The following SGCD variants were observed in gnomAD, a reference collection of about 807,000 sequenced individuals.
SGCD encodes delta-sarcoglycan.
SGCD carries 18 observed loss-of-function variants against 36.6 expected under a neutral mutation model. That is an observed-to-expected ratio of 0.49 (90% confidence interval 0.34 to 0.73). The LOEUF (loss-of-function observed/expected upper bound fraction) is 0.73, where lower values mean the gene tolerates loss of function less well. Among genes scored for constraint, SGCD ranks in the 30% least tolerant of loss-of-function variants. The pLI is 0.01. For missense variants in SGCD, 387 were observed against 346.7 expected (o/e 1.12, Z -0.92); for synonymous variants, 133 against 130.6 (o/e 1.02, Z -0.12).
At chr5:155,874,593 T>C (rs891633915) in intron 1 of SGCD, among the ~76,000 whole-genome samples, 47 of 151,988 alleles carry the variant, frequency 3.1e-4, no homozygotes, top group African/African-American at 1.0e-3. Flanking sequence ...CCAATGAAAA[T>C]GGGGCAAAGA....
chr5:156,149,164 C>T (rs868208954), intron 3 of SGCD, among the ~76,000 whole-genome samples: 1 of 152,114 alleles, frequency 6.6e-6, no homozygotes, highest in Non-Finnish European at 1.5e-5. Flanking sequence ...CTGTGGAGTA[C>T]ATGAGATGTT....
chr5:156,069,445 G>A lies in SGCD; in HGVS notation c.-281-48433G>A, dbSNP rs180817090. On this transcript the variant is annotated intron_variant, in intron 1 of 9. Transcript: ENST00000517913. Reference sequence around the variant, plus strand: ...GATCAGATAGTTGTAGATATGTGGCGTTATTTCTAAGGGGTCTCTTCCATT... The same window carrying A: ...GATCAGATAGTTGTAGATATGTGGCATTATTTCTAAGGGGTCTCTTCCATT... Among the ~76,000 whole-genome samples the A allele has an allele frequency of 2.5e-3, 376 of 152,084 alleles. 1 individual carries two copies. Among genetic ancestry groups the A allele is most frequent in the Non-Finnish European group, 4.3e-3 (292 of 68,010 alleles).
intron 3 of SGCD, among the ~76,000 whole-genome samples, chr5:156,195,056 T>G (rs1038039046): frequency 1.3e-5 from 2 of 152,160 alleles, no homozygotes; most frequent in Admixed American, 1.3e-4. Flanking sequence ...TATCCATTAT[T>G]GTCAAATCTT....
intron 7 of SGCD, among the ~76,000 whole-genome samples, chr5:156,648,257 A>C (rs1317783591): frequency 1.3e-5 from 1 of 79,050 alleles, no homozygotes; most frequent in Non-Finnish European, 2.2e-5. Context: ...AATTCAGTGA[A>C]TACTGGCTTT....
the SGCD span, among the ~76,000 whole-genome samples, chr5:155,823,113 T>TCTATCTATCTATCTATCTAC: frequency 6.8e-6 from 1 of 147,200 alleles, no homozygotes; most frequent in East Asian, 2.0e-4. Flanking sequence ...TATCTATCTA[T>TCTATCTATCTATCTATCTAC]CTGGCTAGCT....
At chr5:156,667,492 A>G (rs1753101736) in intron 7 of SGCD, among the ~76,000 whole-genome samples, 1 of 152,180 alleles carries the variant, frequency 6.6e-6, no homozygotes, top group Non-Finnish European at 1.5e-5. Context: ...CATTTATAGG[A>G]TTAATAATTA....
chr5:155,867,192 A>T (rs1311948099), upstream of SGCD, among the ~76,000 whole-genome samples: 1 of 152,220 alleles, frequency 6.6e-6, no homozygotes, highest in Non-Finnish European at 1.5e-5. Flanking sequence ...TAGTGAATGC[A>T]TCACCAAAGT....
chr5:156,568,339 C>G (rs1759580586), intron 4 of SGCD, among the ~76,000 whole-genome samples: 1 of 152,190 alleles, frequency 6.6e-6, no homozygotes, highest in Non-Finnish European at 1.5e-5. Flanking sequence ...CAATATCGTG[C>G]CACTGCACTC....
chr5:156,010,590 A>G (rs539300782), intron 1 of SGCD, among the ~76,000 whole-genome samples: 1 of 152,354 alleles, frequency 6.6e-6, no homozygotes, highest in South Asian at 2.1e-4. Flanking sequence ...ATCTGTAATA[A>G]CAACAGCTTC....
chr5:156,073,854 G>A (rs1442944986), intron 1 of SGCD, among the ~76,000 whole-genome samples: 1 of 152,208 alleles, frequency 6.6e-6, no homozygotes, highest in Non-Finnish European at 1.5e-5. Context: ...TCAGTTGAAA[G>A]AGTTGCTCAA....
At chr5:156,129,692 C>T (rs1762264244) in intron 3 of SGCD, among the ~76,000 whole-genome samples, 2 of 152,154 alleles carry the variant, frequency 1.3e-5, no homozygotes, top group African/African-American at 2.4e-5. Context: ...TCTTTGTGTT[C>T]ATGAGTTCTC....
At chr5:156,048,154 A>C (rs146733769) in intron 1 of SGCD, among the ~76,000 whole-genome samples, 1,619 of 152,272 alleles carry the variant, frequency 0.011, 9 homozygotes, top group Non-Finnish European at 0.017. Flanking sequence ...ACATGAACTC[A>C]TCATTTTTTA....
intron 3 of SGCD, among the ~76,000 whole-genome samples, chr5:156,175,427 T>C (rs1165990870): frequency 6.6e-6 from 1 of 152,122 alleles, no homozygotes; most frequent in African/African-American, 2.4e-5. Flanking sequence ...AAAATATTCG[T>C]GTACCTTAAC....
intron 1 of SGCD, among the ~76,000 whole-genome samples, chr5:155,900,284 T>C (rs1756358958): frequency 6.6e-6 from 1 of 152,174 alleles, no homozygotes; most frequent in South Asian, 2.1e-4. Flanking sequence ...ACATCCCCCT[T>C]TTATGTCAAT....
At chr5:155,891,170 T>G (rs769753290) in intron 1 of SGCD, among the ~76,000 whole-genome samples, 1 of 152,190 alleles carries the variant, frequency 6.6e-6, no homozygotes, top group Non-Finnish European at 1.5e-5. Context: ...CTGGAGGAAC[T>G]TCATGTACAG....
chr5:156,127,854 C>CAAAAAAAAAAAAAAA (rs56822746), intron 3 of SGCD, among the ~76,000 whole-genome samples: 5 of 18,446 alleles, frequency 2.7e-4, no homozygotes, highest in Non-Finnish European at 2.9e-4. Context: ...AACATAAATG[C>CAAAAAAAAAAAAAAA]AAAAAAAAAA....
At chr5:155,792,327 A>G in the SGCD span, among the ~76,000 whole-genome samples, 2 of 151,942 alleles carry the variant, frequency 1.3e-5, no homozygotes, top group African/African-American at 4.8e-5. Context: ...TACCTTTCTC[A>G]ACATCAGCTT....
At chr5:156,411,043 T>C (rs920886950) in intron 3 of SGCD, among the ~76,000 whole-genome samples, 5 of 152,226 alleles carry the variant, frequency 3.3e-5, no homozygotes, top group African/African-American at 1.2e-4. Flanking sequence ...TGCTACAGTC[T>C]TTGGTATTAT....
intron 3 of SGCD, among the ~76,000 whole-genome samples, chr5:156,127,878 A>AAAAAAAAAAAAAC (rs1762218358): frequency 6.9e-6 from 1 of 144,694 alleles, no homozygotes; most frequent in African/African-American, 2.6e-5. Context: ...AAAAAAAAAA[A>AAAAAAAAAAAAAC]AACCCACCAG....
Sources: allele counts gnomAD v4.1 joint callset (sites outside exome capture counted in the v4.1 genomes callset), GRCh38; gene constraint gnomAD v4.1.1; transcripts MANE v1.5; gene names NCBI Gene and HGNC (gene_info 2026-07-23, HGNC 2026-07-21).